The following DRD3 variants were observed in gnomAD, a reference collection of about 807,000 sequenced individuals.
DRD3 encodes dopamine receptor D3.
A neutral mutation model predicts 36.3 loss-of-function variants in DRD3; 19 were observed. The ratio of observed to expected loss-of-function variants is 0.52; its 90% CI spans 0.36 to 0.77. The LOEUF is 0.77. DRD3 is among the 30% of genes least tolerant of loss of function. The pLI is 0.00. For synonymous variants in DRD3, 195 were observed against 203.7 expected, an observed-to-expected ratio of 0.96 and a Z score of 0.36; for missense variants, 465 against 505.3, an observed-to-expected ratio of 0.92 and a Z score of 0.77.
chr3:114,184,944 G>A (rs9880494), intron 1 of DRD3, among the ~76,000 whole-genome samples: 67,301 of 151,880 alleles, frequency 0.44, 16,753 homozygotes, highest in African/African-American at 0.68. Context: ...TTTTGAATAC[G>A]TTGTCCCACT....
Position 114,131,341 on chromosome 3 carries a change from G to T in DRD3, c.783C>A (p.Asp261Glu), listed in dbSNP as rs889058830. 3.1e-6 allele frequency: 5 copies of T among 1,614,098 alleles called. No homozygotes were observed. Among genetic ancestry groups the T allele is most frequent in the Non-Finnish European group, 4.2e-6 (5 of 1,180,048 alleles). ...GGAAGCCTGGTCCACCCAAGGCAGT[G>T]TCCTGGCAGATGCTGTAGTAACGCT... ...ELKRYYSICQDTALGGPGFQE... is the reference protein window; with the variant it reads ...ELKRYYSICQETALGGPGFQE... Residue 261 changes from aspartate (D) to glutamate (E), a missense_variant, in exon 6 of 7, where the codon GAC becomes GAA. By Grantham distance (45) the Asp-to-Glu change is conservative. Transcript: ENST00000383673.
At chr3:114,188,945 T>C (rs2077989616) in intron 1 of DRD3, among the ~76,000 whole-genome samples, 1 of 152,222 alleles carries the variant, frequency 6.6e-6, no homozygotes, top group African/African-American at 2.4e-5. Context: ...CTCCAAAGAA[T>C]AATATAGCAG....
At chr3:114,131,017 G>A (rs904332208) in intron 6 of DRD3, 101 bp downstream of exon 6, 16 of 1,323,128 alleles carry the variant, frequency 1.2e-5, no homozygotes, top group Non-Finnish European at 1.7e-5. Context: ...CATTTGATAA[G>A]TATTACTGTC....
At chr3:114,141,597 GAA>G (rs2077523961) in intron 4 of DRD3, among the ~76,000 whole-genome samples, 1 of 152,102 alleles carries the variant, frequency 6.6e-6, no homozygotes, top group South Asian at 2.1e-4. Flanking sequence ...GAACTAAAAC[GAA>G]AAGAGTGTGC....
intron 5 of DRD3, among the ~76,000 whole-genome samples, chr3:114,134,212 G>C (rs902312309): frequency 6.6e-6 from 1 of 152,076 alleles, no homozygotes; most frequent in Non-Finnish European, 1.5e-5. Context: ...TACATACTCA[G>C]AATGAATGAA....
intron 3 of DRD3, among the ~76,000 whole-genome samples, chr3:114,158,963 T>C (rs143455527): frequency 0.011 from 1,689 of 152,044 alleles, 16 homozygotes; most frequent in South Asian, 0.019. Context: ...TCAGTGAGGC[T>C]GGTGATGTCC....
In DRD3 at chr3:114,139,492, G is replaced by T. The variant is rs1343210325; in HGVS notation, c.723+8C>A. The T allele has an allele frequency of 6.8e-6, 11 of 1,611,476 alleles. No individual in the cohort carries two copies. Among genetic ancestry groups the T allele is most frequent in the Non-Finnish European group, 9.3e-6 (11 of 1,178,858 alleles). On this transcript the variant is annotated splice_region_variant and intron_variant, in intron 5 of 6. Coordinates refer to ENST00000383673, the MANE Select transcript of DRD3 (RefSeq NM_000796.6). ...TTGTCTTCCCTCTACCCCCTCCAGG[G>T]TACTTACTTGCTGGGGGAAGCCAGG...
At chr3:114,173,844 G>T (rs184885735) in intron 1 of DRD3, among the ~76,000 whole-genome samples, 1 of 152,186 alleles carries the variant, frequency 6.6e-6, no homozygotes, top group African/African-American at 2.4e-5. Flanking sequence ...CTCTCTTCAG[G>T]CCTTGGCAAA....
chr3:114,139,675 A>G lies in DRD3; in HGVS notation c.548T>C (p.Ile183Thr). The G allele has an allele frequency of 6.2e-7, 1 of 1,614,118 alleles. No homozygotes were observed. ...GTAGATGACAAAATCAGGGTTGGAG[A>G]TGGAGCAGACAGTGGGGTCCCCTGT... ...NTTGDPTVCSISNPDFVIYSS... is the reference protein window; with the variant it reads ...NTTGDPTVCSTSNPDFVIYSS... The change falls in exon 5 of 7, where the codon ATC becomes ACC. Residue 183 changes from isoleucine (I) to threonine (T), a missense_variant. Coordinates refer to ENST00000383673, the MANE Select transcript of DRD3 (RefSeq NM_000796.6).
intron 6 of DRD3, 104 bp from the exon 7 acceptor site, chr3:114,129,016 C>A: frequency 2.3e-6 from 3 of 1,312,250 alleles, no homozygotes; most frequent in Non-Finnish European, 3.1e-6. Flanking sequence ...AGCCACTAAG[C>A]TGGAAGTTTT....
At chr3:114,195,835 G>A (rs17668694) in intron 1 of DRD3, among the ~76,000 whole-genome samples, 5,548 of 152,164 alleles carry the variant, frequency 0.036, 131 homozygotes, top group Admixed American at 0.065. Flanking sequence ...GGGGAGATCC[G>A]GCTTGACAAT....
At chr3:114,145,820 T>C (rs1358037335) in intron 4 of DRD3, among the ~76,000 whole-genome samples, 2 of 152,326 alleles carry the variant, frequency 1.3e-5, no homozygotes, top group East Asian at 3.9e-4. Flanking sequence ...AGAGTTCCTA[T>C]GGAACATATA....
chr3:114,132,678 A>G (rs1212897557), intron 5 of DRD3, among the ~76,000 whole-genome samples: 1 of 152,158 alleles, frequency 6.6e-6, no homozygotes, highest in African/African-American at 2.4e-5. Flanking sequence ...AGTTAGAATG[A>G]CCTGGTGATA....
chr3:114,142,294 C>T (rs576906323), intron 4 of DRD3, among the ~76,000 whole-genome samples: 40 of 152,148 alleles, frequency 2.6e-4, no homozygotes, highest in African/African-American at 6.5e-4. Context: ...GATAAGGAGG[C>T]GTTTCACATG....
At chr3:114,131,486 A>G (rs781029932) in intron 5 of DRD3, 86 bp from the exon 6 acceptor site, 1 of 1,504,652 alleles carries the variant, frequency 6.6e-7, no homozygotes, top group Non-Finnish European at 8.9e-7. Flanking sequence ...GAGAATTCAA[A>G]GAAGGAAGAC....
intron 3 of DRD3, among the ~76,000 whole-genome samples, chr3:114,155,977 C>T (rs1426906103): frequency 6.6e-6 from 1 of 152,174 alleles, no homozygotes; most frequent in Non-Finnish European, 1.5e-5. Flanking sequence ...CCATCCATCT[C>T]ATAGCTCCAG....
At position 114,171,759 on chromosome 3, in the gene DRD3, C is replaced by T; in HGVS notation, c.234G>A (p.Val78=). ...VVSLAVADLL[V]ATLVMPWVVY... is the part of the protein sequence containing the mutation. ...CCACCCAGGGCATCACCAAGGTGGCCACCAGCAAGTCTGCCACAGCCAGGC... is the reference window on the plus strand; with the variant it reads ...CCACCCAGGGCATCACCAAGGTGGCTACCAGCAAGTCTGCCACAGCCAGGC... Residue 78 remains valine, a synonymous_variant, in exon 2 of 7, where the codon GTG becomes GTA. Transcript: ENST00000383673. 6.2e-7 allele frequency: 1 copy of T among 1,611,910 alleles called. No homozygotes were observed. The highest frequency in any genetic ancestry group is 1.1e-5 in the South Asian group (1 of 90,616).
At chr3:114,197,309 A>G (rs1261692680) in intron 1 of DRD3, among the ~76,000 whole-genome samples, 1 of 139,780 alleles carries the variant, frequency 7.2e-6, no homozygotes, top group African/African-American at 2.7e-5. Context: ...TTTGTAGAGA[A>G]GAGGTCTCGC....
intron 1 of DRD3, among the ~76,000 whole-genome samples, chr3:114,194,800 G>A (rs574132770): frequency 1.3e-5 from 2 of 151,934 alleles, no homozygotes; most frequent in African/African-American, 4.8e-5. Flanking sequence ...GGGAAAGACT[G>A]ACATGGTCTT....
Sources: allele counts gnomAD v4.1 joint callset (sites outside exome capture counted in the v4.1 genomes callset), GRCh38; gene constraint gnomAD v4.1.1; transcripts MANE v1.5; gene names NCBI Gene and HGNC (gene_info 2026-07-23, HGNC 2026-07-21).